The following EIF4G3 variants were observed in gnomAD, a reference collection of about 807,000 sequenced individuals.
EIF4G3 encodes eIF-4-gamma 3.
In EIF4G3, 34 loss-of-function variants were observed where a neutral mutation model predicts 186.4. The ratio of observed to expected loss-of-function variants is 0.18; its 90% CI spans 0.14 to 0.24. The LOEUF (loss-of-function observed/expected upper bound fraction) is 0.24. Ranked by LOEUF, EIF4G3 falls within the 10% of genes least tolerant of loss-of-function variation. EIF4G3 has a pLI of 1.00. For missense variants in EIF4G3, 1,536 were observed against 1,948.5 expected, an observed-to-expected ratio of 0.79 and a Z score of 3.99; for synonymous variants, 673 against 679.5, an observed-to-expected ratio of 0.99 and a Z score of 0.15.
chr1:20,919,445 T>A (rs959435506), intron 14 of EIF4G3, among the ~76,000 whole-genome samples: 1 of 152,146 alleles, frequency 6.6e-6, no homozygotes, highest in Non-Finnish European at 1.5e-5. Context: ...GCTCAACCAA[T>A]CCACCCAACT....
intron 2 of EIF4G3, among the ~76,000 whole-genome samples, chr1:21,160,718 C>T (rs2097752818): frequency 6.6e-6 from 1 of 152,102 alleles, no homozygotes. Flanking sequence ...GTGTCAAAGT[C>T]ACAAAAGATA....
chr1:21,123,582 GA>G (rs976835817), intron 2 of EIF4G3, among the ~76,000 whole-genome samples: 39 of 147,338 alleles, frequency 2.6e-4, no homozygotes, highest in African/African-American at 6.0e-4. Flanking sequence ...AAAAAAGAAA[GA>G]AAAAAAAAGT....
chr1:21,024,576 G>T (rs1442765263), intron 4 of EIF4G3, among the ~76,000 whole-genome samples: 2 of 149,692 alleles, frequency 1.3e-5, no homozygotes, highest in African/African-American at 4.9e-5. Flanking sequence ...GGATCCTGTT[G>T]ATCTGTGACC....
chr1:20,839,766 G>C (rs1051989449), intron 30 of EIF4G3, among the ~76,000 whole-genome samples: 11 of 152,212 alleles, frequency 7.2e-5, no homozygotes, highest in African/African-American at 2.6e-4. Context: ...TGGGATTACA[G>C]GTGTGAGCCA....
intron 2 of EIF4G3, among the ~76,000 whole-genome samples, chr1:21,096,252 G>A (rs550432254): frequency 6.6e-6 from 1 of 152,250 alleles, no homozygotes; most frequent in South Asian, 2.1e-4. Context: ...AACATAGATG[G>A]AACTGGAAGC....
At chr1:21,053,883 T>C (rs1571788240) in intron 3 of EIF4G3, among the ~76,000 whole-genome samples, 4 of 143,186 alleles carry the variant, frequency 2.8e-5, no homozygotes, top group Admixed American at 6.8e-5. Context: ...CCGCCCCGTC[T>C]GCGAGGTGAG....
At chr1:20,874,217 T>A (rs543399180) in intron 20 of EIF4G3, among the ~76,000 whole-genome samples, 3 of 152,212 alleles carry the variant, frequency 2.0e-5, no homozygotes, top group African/African-American at 7.2e-5. Flanking sequence ...GTAATGGGAT[T>A]GTTGGGTCAA....
At chr1:20,846,520 T>A (rs1422876859) in intron 29 of EIF4G3, among the ~76,000 whole-genome samples, 1 of 152,208 alleles carries the variant, frequency 6.6e-6, no homozygotes, top group Non-Finnish European at 1.5e-5. Flanking sequence ...TCAAATCACA[T>A]AATTTTAGTT....
intron 7 of EIF4G3, among the ~76,000 whole-genome samples, chr1:20,985,336 A>C (rs2079213158): frequency 6.6e-6 from 1 of 152,190 alleles, no homozygotes; most frequent in Non-Finnish European, 1.5e-5. Flanking sequence ...TCATATGCTA[A>C]AAGCGTATCC....
rs1573227107 is a variant in EIF4G3 at position 20,941,854 on chromosome 1, G to C, written c.1300C>G (p.Gln434Glu). Residue 434 changes from glutamine (Q) to glutamate (E), a missense_variant, in exon 14 of 37, where the codon CAG (glutamine) becomes GAG (glutamate). By Grantham distance (29) the Gln-to-Glu change is conservative. Coordinates refer to ENST00000602326, the MANE Select transcript of EIF4G3 (RefSeq NM_001391906.1). ...ATESIVEIVKQEVLPLTLELE... is the reference protein window; with the variant it reads ...ATESIVEIVKEEVLPLTLELE... ...TCAAGAGTCAATGGCAATACTTCCTGTTTTACTATTTCCACAATGCTCTCC... is the reference window on the plus strand; with the variant it reads ...TCAAGAGTCAATGGCAATACTTCCTCTTTTACTATTTCCACAATGCTCTCC... The C allele has an allele frequency of 6.2e-7, 1 of 1,614,110 alleles. No individual in the cohort carries two copies. Among genetic ancestry groups the C allele is most frequent in the Non-Finnish European group, 8.5e-7 (1 of 1,180,018 alleles).
At chr1:20,845,960 G>A (rs11589624) in intron 29 of EIF4G3, among the ~76,000 whole-genome samples, 3,381 of 152,258 alleles carry the variant, frequency 0.022, 114 homozygotes, top group African/African-American at 0.075. Flanking sequence ...CCAGTTGTTT[G>A]TGTCATCTCT....
chr1:20,851,887 G>A (rs10916879), intron 27 of EIF4G3, among the ~76,000 whole-genome samples: 78,004 of 151,718 alleles, frequency 0.51, 20,916 homozygotes, highest in East Asian at 0.83. Context: ...GTTTGGTGGC[G>A]GGTGCCTGTA....
intron 18 of EIF4G3, among the ~76,000 whole-genome samples, chr1:20,892,238 A>G (rs137937979): frequency 7.5e-4 from 115 of 152,366 alleles, no homozygotes; most frequent in Middle Eastern, 3.4e-3. Flanking sequence ...CTGCAAATGT[A>G]CATCAAACCC....
At chr1:20,961,027 T>A (rs2096557275) in intron 12 of EIF4G3, among the ~76,000 whole-genome samples, 1 of 152,184 alleles carries the variant, frequency 6.6e-6, no homozygotes, top group South Asian at 2.1e-4. Flanking sequence ...CAAGATACTG[T>A]TTTTTATTCT....
At chr1:21,163,155 TTTTCTAATGA>T (rs1402893783) in intron 2 of EIF4G3, among the ~76,000 whole-genome samples, 1 of 152,208 alleles carries the variant, frequency 6.6e-6, no homozygotes, top group Non-Finnish European at 1.5e-5. Flanking sequence ...TAACTATGAT[TTTTCTAATGA>T]AGATCAAGAA....
chr1:21,087,638 A>T (rs5012906), intron 3 of EIF4G3, among the ~76,000 whole-genome samples: 5,190 of 96,026 alleles, frequency 0.054, 298 homozygotes, highest in African/African-American at 0.16. Context: ...ACCAAAAAAA[A>T]TTTTTTTTTT....
Position 20,895,511 on chromosome 1 carries a change from GGA to G in EIF4G3, c.2000-12_2000-11del, listed in dbSNP as rs1372553117. On this transcript the variant is annotated splice_polypyrimidine_tract_variant and intron_variant, in intron 16 of 36. Coordinates refer to ENST00000602326, the MANE Select transcript of EIF4G3 (RefSeq NM_001391906.1). ...GTAGGCTTCCAGGATTCTAGAAAGA[GGA>G]ATATAGGCAGACACTGTTTGTAGGG... The G allele has an allele frequency of 6.2e-7, 1 of 1,613,166 alleles. No homozygotes were observed. The highest frequency in any genetic ancestry group is 2.2e-5 in the East Asian group (1 of 44,864).
intron 29 of EIF4G3, among the ~76,000 whole-genome samples, chr1:20,844,818 G>A (rs2070185445): frequency 6.6e-6 from 1 of 151,952 alleles, no homozygotes; most frequent in Admixed American, 6.6e-5. Context: ...GGCGACAAGA[G>A]CAACACTCCA....
intron 14 of EIF4G3, among the ~76,000 whole-genome samples, chr1:20,905,370 TAA>T (rs1423191287): frequency 6.6e-6 from 1 of 152,192 alleles, no homozygotes; most frequent in African/African-American, 2.4e-5. Flanking sequence ...CTATAAAGTA[TAA>T]GAGTGAGACT....
Sources: gnomAD v4.1 joint callset for allele counts (sites outside exome capture counted in the v4.1 genomes callset) on GRCh38, gnomAD v4.1.1 for gene constraint, MANE v1.5 for transcripts, NCBI Gene and HGNC (gene_info 2026-07-23, HGNC 2026-07-21) for gene names.